Variants in PLCB1 observed in about 807,000 individuals in gnomAD.
The protein encoded by PLCB1 is 1-phosphatidylinositol 4,5-bisphosphate phosphodiesterase beta-1.
Under a neutral mutation model 161.8 loss-of-function variants are expected in PLCB1, and 46 were observed. The ratio of observed to expected loss-of-function variants is 0.28; its 90% CI spans 0.22 to 0.36. PLCB1 has a LOEUF of 0.36. Among genes scored for constraint, PLCB1 ranks in the 10% least tolerant of loss-of-function variants. The pLI, the probability that PLCB1 is intolerant of heterozygous loss-of-function variation, is 1.00. For missense variants in PLCB1, 1,016 were observed against 1,472.5 expected, an observed-to-expected ratio of 0.69 and a Z score of 5.07; for synonymous variants, 517 against 503.7, an observed-to-expected ratio of 1.03 and a Z score of -0.35.
At chr20:8,592,615 G>A (rs528927365) in intron 3 of PLCB1, among the ~76,000 whole-genome samples, 56 of 152,246 alleles carry the variant, frequency 3.7e-4, no homozygotes, top group African/African-American at 1.1e-3. Context: ...TGGAGAAGCC[G>A]AATAAACTGT....
chr20:8,802,298 T>G (rs1411631461), intron 31 of PLCB1: 2 of 585,668 alleles, frequency 3.4e-6, no homozygotes, highest in Non-Finnish European at 6.0e-6. Flanking sequence ...ATCTTTTTTT[T>G]CTGCTAAAGT....
chr20:8,358,904 CT>C (rs1986450572), intron 2 of PLCB1, among the ~76,000 whole-genome samples: 1 of 152,176 alleles, frequency 6.6e-6, no homozygotes, highest in South Asian at 2.1e-4. Context: ...CTGCACTGTG[CT>C]TCCACCTTTC....
At chr20:8,361,930 G>T (rs1298641347) in intron 2 of PLCB1, among the ~76,000 whole-genome samples, 2 of 152,162 alleles carry the variant, frequency 1.3e-5, no homozygotes, top group Non-Finnish European at 2.9e-5. Flanking sequence ...ATAGTTTTTA[G>T]CACTTATGAA....
chr20:8,655,672 A>C (rs1989438253), intron 7 of PLCB1, among the ~76,000 whole-genome samples: 1 of 152,072 alleles, frequency 6.6e-6, no homozygotes, highest in Non-Finnish European at 1.5e-5. Context: ...GAAAGGGGGA[A>C]TGAGGTGAAC....
intron 9 of PLCB1, among the ~76,000 whole-genome samples, chr20:8,678,455 G>A (rs1990140335): frequency 6.6e-6 from 1 of 152,192 alleles, no homozygotes; most frequent in South Asian, 2.1e-4. Flanking sequence ...AAGATTTGAA[G>A]GTGTTTGCTT....
intron 3 of PLCB1, among the ~76,000 whole-genome samples, chr20:8,409,030 C>T (rs1234542168): frequency 2.6e-5 from 4 of 152,112 alleles, no homozygotes; most frequent in East Asian, 1.9e-4. Flanking sequence ...TTAAACATTT[C>T]GTTTAGAAAC....
At chr20:8,334,352 C>T (rs1985487147) in intron 2 of PLCB1, among the ~76,000 whole-genome samples, 1 of 152,204 alleles carries the variant, frequency 6.6e-6, no homozygotes, top group African/African-American at 2.4e-5. Flanking sequence ...TCATCTGCCT[C>T]ATAGATTTAT....
chr20:8,486,745 T>A (rs1318647540), intron 3 of PLCB1, among the ~76,000 whole-genome samples: 1 of 152,056 alleles, frequency 6.6e-6, no homozygotes, highest in East Asian at 1.9e-4. Flanking sequence ...TCCACCCGCC[T>A]CGGCCTCCCA....
intron 4 of PLCB1, among the ~76,000 whole-genome samples, chr20:8,644,193 T>C (rs1235271862): frequency 7.2e-3 from 1,025 of 142,502 alleles, no homozygotes; most frequent in African/African-American, 0.022. Context: ...AGTGCCGAGA[T>C]TGCAGCCTCT....
At chr20:8,802,595 C>G (rs1446415501) in intron 31 of PLCB1, 1 of 159,520 alleles carries the variant, frequency 6.3e-6, no homozygotes, top group Non-Finnish European at 1.4e-5. Context: ...CCAGTGGGAT[C>G]AAGTTAACTC....
At position 8,463,206 on chromosome 20, in the gene PLCB1, C is replaced by T. The variant is rs532327331; in HGVS notation, c.246+91756C>T. On this transcript the variant is annotated intron_variant, in intron 3 of 31. Coordinates refer to ENST00000338037, the MANE Select transcript of PLCB1 (RefSeq NM_015192.4). ...GTCTGTGTATGTGTGTGTGCTCCTG[C>T]ATGCTTTTAATTATATATTGAAGAT... Among the ~76,000 whole-genome samples, 6 of 145,198 alleles carry T rather than the reference C, an allele frequency of 4.1e-5. 1 individual carries two copies. Among genetic ancestry groups the T allele is most frequent in the South Asian group, 2.2e-4 (1 of 4,560 alleles).
chr20:8,658,207 T>C (rs1335753491), intron 8 of PLCB1, among the ~76,000 whole-genome samples: 1 of 152,180 alleles, frequency 6.6e-6, no homozygotes, highest in African/African-American at 2.4e-5. Flanking sequence ...ATCAAAAATT[T>C]ACTGTCATAA....
At chr20:8,629,797 T>C (rs573520057) in intron 4 of PLCB1, among the ~76,000 whole-genome samples, 27 of 62,232 alleles carry the variant, frequency 4.3e-4, no homozygotes, top group East Asian at 9.7e-4. Flanking sequence ...TTCCTTTCTT[T>C]CTTTTCTTTC....
intron 14 of PLCB1, among the ~76,000 whole-genome samples, chr20:8,721,859 C>G (rs1979651141): frequency 6.6e-6 from 1 of 152,120 alleles, no homozygotes; most frequent in Admixed American, 6.6e-5. Flanking sequence ...GGAAAAATGT[C>G]AACACAAGAT....
intron 26 of PLCB1, among the ~76,000 whole-genome samples, chr20:8,773,849 T>C (rs1183692405): frequency 2.0e-5 from 3 of 151,420 alleles, no homozygotes; most frequent in African/African-American, 7.4e-5. Context: ...TGGCACATGC[T>C]TGTAGTTCCA....
intron 31 of PLCB1, among the ~76,000 whole-genome samples, chr20:8,868,474 TGAAAG>T (rs1353700477): frequency 6.6e-6 from 1 of 152,194 alleles, no homozygotes; most frequent in Non-Finnish European, 1.5e-5. Context: ...ATCCTAAACA[TGAAAG>T]GAAAACACAT....
At chr20:8,266,860 G>A (rs1231884590) in intron 2 of PLCB1, among the ~76,000 whole-genome samples, 1 of 152,102 alleles carries the variant, frequency 6.6e-6, no homozygotes. Flanking sequence ...CCAACATGGT[G>A]AAACCTTGTC....
At chr20:8,181,061 G>A (rs2051836996) in intron 2 of PLCB1, among the ~76,000 whole-genome samples, 2 of 151,638 alleles carry the variant, frequency 1.3e-5, no homozygotes, top group African/African-American at 2.4e-5. Context: ...GACCAGCCTG[G>A]CCAACATGGC....
At chr20:8,739,989 A>G (rs1980786304) in intron 21 of PLCB1, among the ~76,000 whole-genome samples, 1 of 152,158 alleles carries the variant, frequency 6.6e-6, no homozygotes, top group Admixed American at 6.5e-5. Context: ...ACAGAATGAG[A>G]CCCTGTCTCT....
Sources: allele counts gnomAD v4.1 joint callset (sites outside exome capture counted in the v4.1 genomes callset), GRCh38; gene constraint gnomAD v4.1.1; transcripts MANE v1.5; gene names NCBI Gene and HGNC (gene_info 2026-07-23, HGNC 2026-07-21).